Variants in PKNOX2 observed in about 807,000 individuals in gnomAD.
The protein encoded by PKNOX2 is homeobox protein PKNOX2.
PKNOX2 carries 14 observed loss-of-function variants against 53.1 expected under a neutral mutation model. The ratio of observed to expected loss-of-function variants is 0.26; its 90% confidence interval spans 0.17 to 0.41. The LOEUF (loss-of-function observed/expected upper bound fraction) is 0.41, where lower values mean the gene tolerates loss of function less well. PKNOX2 is among the 10% of genes least tolerant of loss of function. The pLI, the probability that PKNOX2 is intolerant of heterozygous loss-of-function variation, is 1.00. For missense variants in PKNOX2, 496 were observed against 602.8 expected (o/e 0.82, Z 1.85); for synonymous variants, 257 against 242.8 (o/e 1.06, Z -0.54).
intron 4 of PKNOX2, among the ~76,000 whole-genome samples, chr11:125,363,241 G>A (rs1340779052): frequency 6.6e-6 from 1 of 152,224 alleles, no homozygotes; most frequent in East Asian, 1.9e-4. Flanking sequence ...ATTAGCACGG[G>A]TGCAGGTGCT....
At chr11:125,387,072 G>A (rs903215607) in intron 6 of PKNOX2, among the ~76,000 whole-genome samples, 4 of 152,192 alleles carry the variant, frequency 2.6e-5, no homozygotes, top group Non-Finnish European at 5.9e-5. Flanking sequence ...CCAGGAGGCA[G>A]GCCATTGTCT....
chr11:125,327,200 T>A (rs993880254), intron 2 of PKNOX2, among the ~76,000 whole-genome samples: 3 of 152,138 alleles, frequency 2.0e-5, no homozygotes, highest in Non-Finnish European at 4.4e-5. Context: ...ATCCAACTCA[T>A]CTGCAAAAAG....
chr11:125,280,469 A>G lies in PKNOX2; in HGVS notation c.-130+45354A>G, dbSNP rs1323993288. Among the ~76,000 whole-genome samples the G allele has an allele frequency of 2.6e-5, 4 of 152,200 alleles. No individual in the cohort carries two copies. In the East Asian group the frequency reaches 7.7e-4, roughly 29 times the overall value. On this transcript the variant is annotated intron_variant, in intron 2 of 12. Transcript: ENST00000298282. Reference sequence around the variant, plus strand: ...CTTCCCTAAAAAGTTCATGTCTGGCACTCAGGGGTTCTCCACTGAACTTGA... The same window carrying G: ...CTTCCCTAAAAAGTTCATGTCTGGCGCTCAGGGGTTCTCCACTGAACTTGA...
rs565888384 is a variant in PKNOX2 at position 125,288,690 on chromosome 11, C to T, written c.-129-43129C>T. ...TAGGAAGCACTGCTGACCACCGCAG[C>T]GACTCTGGCTTCTCACGTTGTGCAC... On this transcript the variant is annotated intron_variant, in intron 2 of 12. Coordinates refer to ENST00000298282, the MANE Select transcript of PKNOX2 (RefSeq NM_001382323.2). Among the ~76,000 whole-genome samples, 265 of 152,346 alleles carry T rather than the reference C, an allele frequency of 1.7e-3. 1 individual carries two copies. The highest frequency in any genetic ancestry group is 7.7e-3 in the South Asian group (37 of 4,830).
chr11:125,211,778 G>GT (rs1194443339), intron 1 of PKNOX2, among the ~76,000 whole-genome samples: 1 of 152,060 alleles, frequency 6.6e-6, no homozygotes, highest in African/African-American at 2.4e-5. Flanking sequence ...TCCTTCCTTG[G>GT]TGCTGACTCC....
intron 1 of PKNOX2, among the ~76,000 whole-genome samples, chr11:125,172,514 G>T (rs143595959): frequency 2.6e-3 from 394 of 152,262 alleles, no homozygotes; most frequent in Middle Eastern, 0.01. Context: ...GGAGAGAAAG[G>T]GGGGACTGGT....
chr11:125,222,791 G>A (rs1194278437), intron 1 of PKNOX2, among the ~76,000 whole-genome samples: 4 of 151,756 alleles, frequency 2.6e-5, no homozygotes, highest in African/African-American at 9.7e-5. Flanking sequence ...GTGTGTATGT[G>A]TGTGTGTGTG....
chr11:125,227,900 C>T lies in PKNOX2; in HGVS notation c.-200-7145C>T, dbSNP rs190677189. Reference sequence around the variant, plus strand: ...CAAAAGGCAGTTTCTCAGAGAGCCCCGGAGGAGCCACAGAGAACAGAAGAG... The same window carrying T: ...CAAAAGGCAGTTTCTCAGAGAGCCCTGGAGGAGCCACAGAGAACAGAAGAG... On this transcript the variant is annotated intron_variant, in intron 1 of 12. Coordinates refer to ENST00000298282, the MANE Select transcript of PKNOX2 (RefSeq NM_001382323.2). 5.8e-3 allele frequency among the ~76,000 whole-genome samples: 886 copies of T among 152,306 alleles called. 3 individuals carry two copies. Among genetic ancestry groups the T allele is most frequent in the Non-Finnish European group, 9.4e-3 (637 of 68,022 alleles).
chr11:125,430,128 G>A lies in PKNOX2; in HGVS notation c.1179G>A (p.Gly393=). 1.2e-6 allele frequency: 2 copies of A among 1,613,974 alleles called. No individual in the cohort carries two copies. The highest frequency in any genetic ancestry group is 1.7e-6 in the Non-Finnish European group (2 of 1,179,908). ...GVLQQQGGAP[G]TNPDGSINLD... Reference sequence around the variant, plus strand: ...TGCAGCAGCAGGGCGGTGCCCCAGGGACAAACCCCGATGGTAAGAACTGGG... The same window carrying A: ...TGCAGCAGCAGGGCGGTGCCCCAGGAACAAACCCCGATGGTAAGAACTGGG... The change falls in exon 12 of 13, where the codon GGG becomes GGA. Residue 393 remains glycine, a synonymous_variant. Coordinates refer to ENST00000298282, the MANE Select transcript of PKNOX2 (RefSeq NM_001382323.2).
intron 3 of PKNOX2, among the ~76,000 whole-genome samples, chr11:125,339,734 G>A (rs929834053): frequency 1.3e-5 from 2 of 152,262 alleles, no homozygotes; most frequent in African/African-American, 4.8e-5. Flanking sequence ...AGAGCAGGGT[G>A]AGGCACAGAC....
intron 2 of PKNOX2, among the ~76,000 whole-genome samples, chr11:125,263,773 G>A (rs577536957): frequency 6.6e-6 from 1 of 152,316 alleles, no homozygotes; most frequent in African/African-American, 2.4e-5. Flanking sequence ...TCTGTGCCAC[G>A]CCGCCCCCAC....
intron 10 of PKNOX2, among the ~76,000 whole-genome samples, chr11:125,423,015 C>G (rs535159389): frequency 6.6e-6 from 1 of 151,980 alleles, no homozygotes; most frequent in Non-Finnish European, 1.5e-5. Context: ...CGTATATTAA[C>G]TCATTTACTG....
At chr11:125,201,242 T>C (rs1784070877) in intron 1 of PKNOX2, among the ~76,000 whole-genome samples, 1 of 152,130 alleles carries the variant, frequency 6.6e-6, no homozygotes, top group African/African-American at 2.4e-5. Flanking sequence ...CCAGTGGGGT[T>C]TGGAAGCTAG....
intron 3 of PKNOX2, among the ~76,000 whole-genome samples, chr11:125,339,556 G>A (rs949380494): frequency 1.3e-5 from 2 of 152,194 alleles, no homozygotes; most frequent in African/African-American, 4.8e-5. Context: ...GGTGTGTGGG[G>A]AAAGGCCAAG....
At chr11:125,173,413 G>A (rs1006983353) in intron 1 of PKNOX2, among the ~76,000 whole-genome samples, 4 of 152,168 alleles carry the variant, frequency 2.6e-5, no homozygotes, top group Admixed American at 6.5e-5. Context: ...ACATTATTTA[G>A]GGTAGCCCAG....
chr11:125,367,889 A>G lies in PKNOX2; in HGVS notation c.131A>G (p.His44Arg). The change falls in exon 5 of 13, where the codon CAC becomes CGC. Residue 44 changes from histidine (H) to arginine (R), a missense_variant. This residue lies in a region of PKNOX2 where 168 missense variants were observed against 178.4 expected (regional missense o/e 0.94). Transcript: ENST00000298282. ...AQPPSKAQAV[H>R]ISAPSAAAST... ...CCACCCTCCAAGGCCCAGGCTGTCC[A>G]CATCTCTGCCCCCTCAGCTGCTGCC... 1 of 1,613,598 alleles carries G rather than the reference A, an allele frequency of 6.2e-7. No individual in the cohort carries two copies. Among genetic ancestry groups the G allele is most frequent in the Non-Finnish European group, 8.5e-7 (1 of 1,179,904 alleles).
intron 7 of PKNOX2, chr11:125,409,989 CTTTTTG>C: frequency 1.6e-6 from 1 of 618,208 alleles, no homozygotes. Context: ...ATGGGTGACT[CTTTTTG>C]TTTTTGTTTT....
At chr11:125,321,279 A>G (rs1466848211) in intron 2 of PKNOX2, among the ~76,000 whole-genome samples, 1 of 152,218 alleles carries the variant, frequency 6.6e-6, no homozygotes, top group Non-Finnish European at 1.5e-5. Context: ...CTTGTGTTGC[A>G]ACTGCAATCA....
At position 125,431,356 on chromosome 11, in the gene PKNOX2, C is replaced by G; in HGVS notation, c.1383C>G (p.Ser461Arg). 1 of 1,611,638 alleles carries G rather than the reference C, an allele frequency of 6.2e-7. No homozygotes were observed. The highest frequency in any genetic ancestry group is 1.3e-5 in the African/African-American group (1 of 74,774). ...EVDELQTTNV[S>R]DLGLEHSDSL... ...ACGAGCTGCAGACGACAAATGTCAG[C>G]GACCTGGGCTTGGAACACAGTGACT... The change falls in exon 13 of 13, where the codon AGC (serine) becomes AGG (arginine). Residue 461 changes from serine (S) to arginine (R), a missense_variant. Physicochemically the swap from Ser to Arg is moderately radical, Grantham distance 110. Around this residue, in one of 5 missense-constraint regions of PKNOX2, gnomAD observed 139 missense variants for 161.3 expected, o/e 0.86. Coordinates refer to ENST00000298282, the MANE Select transcript of PKNOX2 (RefSeq NM_001382323.2).
Sources: allele counts gnomAD v4.1 joint callset (sites outside exome capture counted in the v4.1 genomes callset), GRCh38; gene constraint gnomAD v4.1.1; regional missense constraint gnomAD v4.1.1; transcripts MANE v1.5; gene names NCBI Gene and HGNC (gene_info 2026-07-23, HGNC 2026-07-21).